The following TSHZ3 variants were observed in gnomAD, a reference collection of about 807,000 sequenced individuals.
The protein encoded by TSHZ3 is teashirt homolog 3.
Under a neutral mutation model 64.5 loss-of-function variants are expected in TSHZ3, and 10 were observed. That is an observed-to-expected ratio of 0.16 (90% confidence interval 0.10 to 0.26). TSHZ3 has a LOEUF of 0.26. Ranked by LOEUF, TSHZ3 falls within the 10% of genes least tolerant of loss-of-function variation. The pLI is 1.00. For missense variants in TSHZ3, 1,242 were observed against 1,421.7 expected (o/e 0.87, Z 2.03); for synonymous variants, 608 against 593.1 (o/e 1.03, Z -0.36).
At chr19:31,320,514 A>G (rs1916737190) in intron 1 of TSHZ3, among the ~76,000 whole-genome samples, 1 of 152,024 alleles carries the variant, frequency 6.6e-6, no homozygotes, top group Admixed American at 6.6e-5. Context: ...CTCTGGGCCC[A>G]CCTGCGAGGG....
At chr19:31,215,346 A>G (rs181638634) in intron 4 of TSHZ3, among the ~76,000 whole-genome samples, 51 of 152,350 alleles carry the variant, frequency 3.3e-4, no homozygotes, top group Admixed American at 5.2e-4. Flanking sequence ...CAGAGCACAT[A>G]AAATAATCTT....
At chr19:31,281,440 G>C (rs1976359791) in intron 1 of TSHZ3, among the ~76,000 whole-genome samples, 1 of 152,156 alleles carries the variant, frequency 6.6e-6, no homozygotes. Context: ...ACACACATCA[G>C]CTGCAGGGAG....
intron 5 of TSHZ3, among the ~76,000 whole-genome samples, chr19:31,174,372 T>C (rs925492177): frequency 6.6e-6 from 1 of 152,232 alleles, no homozygotes; most frequent in African/African-American, 2.4e-5. Context: ...TCAGTCTTTT[T>C]GTTGTATTCA....
chr19:31,165,003 C>T (rs971062392), intron 5 of TSHZ3, among the ~76,000 whole-genome samples: 9 of 152,204 alleles, frequency 5.9e-5, no homozygotes, highest in Non-Finnish European at 1.0e-4. Flanking sequence ...CCCACCCTGC[C>T]GAGCCCGTCC....
chr19:31,238,283 T>A, intron 3 of TSHZ3, among the ~76,000 whole-genome samples: 1 of 149,330 alleles, frequency 6.7e-6, no homozygotes, highest in Non-Finnish European at 1.5e-5. Context: ...TGAGACAGAC[T>A]CTTGCTCTGT....
chr19:31,216,321 C>G (rs1975328664), intron 4 of TSHZ3, among the ~76,000 whole-genome samples: 1 of 152,208 alleles, frequency 6.6e-6, no homozygotes, highest in Admixed American at 6.5e-5. Flanking sequence ...AGGCTCCTGG[C>G]CTCATGAAGA....
At chr19:31,330,704 T>C (rs1917059605) in intron 1 of TSHZ3, among the ~76,000 whole-genome samples, 1 of 72,298 alleles carries the variant, frequency 1.4e-5, no homozygotes, top group African/African-American at 5.4e-5. Flanking sequence ...TGTTTAATCC[T>C]TGGGCGGGGG....
At chr19:31,181,421 G>A (rs1974712161) in intron 5 of TSHZ3, among the ~76,000 whole-genome samples, 1 of 152,142 alleles carries the variant, frequency 6.6e-6, no homozygotes, top group African/African-American at 2.4e-5. Context: ...TCTGAGCAGA[G>A]AGAAGAAGGG....
At chr19:31,184,244 C>T (rs1258778316) in intron 5 of TSHZ3, among the ~76,000 whole-genome samples, 1 of 152,156 alleles carries the variant, frequency 6.6e-6, no homozygotes, top group Non-Finnish European at 1.5e-5. Context: ...AGCTCTCTTT[C>T]TTGTCTTGTA....
At chr19:31,241,975 T>C (rs1975696839) in intron 3 of TSHZ3, among the ~76,000 whole-genome samples, 1 of 152,230 alleles carries the variant, frequency 6.6e-6, no homozygotes, top group Admixed American at 6.5e-5. Flanking sequence ...TGTCATACCA[T>C]CTTCACTTGA....
At chr19:31,202,881 G>C (rs1473107358) in intron 5 of TSHZ3, among the ~76,000 whole-genome samples, 1 of 152,164 alleles carries the variant, frequency 6.6e-6, no homozygotes, top group Non-Finnish European at 1.5e-5. Context: ...CTGAAACACT[G>C]TTTATTGAGT....
chr19:31,346,859 T>A (rs1174653912), intron 1 of TSHZ3, among the ~76,000 whole-genome samples: 1 of 150,684 alleles, frequency 6.6e-6, no homozygotes, highest in African/African-American at 2.4e-5. Flanking sequence ...TTTTTTTCTC[T>A]CCACTCTTCT....
chr19:31,256,865 C>T (rs1343316801), intron 1 of TSHZ3, among the ~76,000 whole-genome samples: 1 of 152,134 alleles, frequency 6.6e-6, no homozygotes, highest in Non-Finnish European at 1.5e-5. Flanking sequence ...GATCTCCATC[C>T]CACAGCATTG....
Position 31,277,321 on chromosome 19 carries a change from C to T in TSHZ3, c.2472G>A (p.Thr824=), listed in dbSNP as rs747011700. ...ATGATACGACGGCAGATGTCTTTGC[C>T]GTTGTCACCGTGGATGAGGAGGTTG... The part of the protein sequence containing the change: ...APATSSSTVT[T]AKTSAVVSFM... Residue 824 remains threonine (T), a synonymous_variant, in exon 2 of 2, where the codon ACG becomes ACA. Transcript: ENST00000240587. This position sits in a 1 kb window ranked among gnomAD's most constrained non-coding sequence, Gnocchi z 4.5. 91 of 1,613,068 alleles carry T rather than the reference C, an allele frequency of 5.6e-5. No homozygotes were observed. The highest frequency in any genetic ancestry group is 1.0e-4 in the Admixed American group (6 of 59,988).
At chr19:31,167,102 G>C (rs1250564867) in intron 5 of TSHZ3, among the ~76,000 whole-genome samples, 1 of 152,126 alleles carries the variant, frequency 6.6e-6, no homozygotes, top group Non-Finnish European at 1.5e-5. Flanking sequence ...ACGCAGTAGG[G>C]CTTTTTGAGA....
chr19:31,336,422 C>A (rs982194990), intron 1 of TSHZ3, among the ~76,000 whole-genome samples: 4 of 152,082 alleles, frequency 2.6e-5, no homozygotes, highest in African/African-American at 9.7e-5. Flanking sequence ...GAGACAGATT[C>A]GAAGTAGGAT....
intron 3 of TSHZ3, among the ~76,000 whole-genome samples, chr19:31,239,684 T>G (rs1975664143): frequency 6.6e-6 from 1 of 152,044 alleles, no homozygotes; most frequent in African/African-American, 2.4e-5. Flanking sequence ...TGGGCTCAAG[T>G]GGTCCTGCCT....
chr19:31,315,850 G>A lies in TSHZ3; in HGVS notation c.40+33330C>T, dbSNP rs76368616. ...CTCTGCTGCTTGATTGACAAGAAAG[G>A]TGATTTATTAAGCTAATAAAAAGTG... On this transcript the variant is annotated intron_variant, in intron 1 of 1. Coordinates refer to ENST00000240587, the MANE Select transcript of TSHZ3 (RefSeq NM_020856.4). 3.0e-4 allele frequency among the ~76,000 whole-genome samples: 45 copies of A among 152,222 alleles called. No individual in the cohort carries two copies. The East Asian group carries it at 8.5e-3, about 29-fold the overall frequency.
intron 5 of TSHZ3, among the ~76,000 whole-genome samples, chr19:31,203,132 G>C (rs759507047): frequency 3.3e-5 from 5 of 152,118 alleles, no homozygotes; most frequent in Non-Finnish European, 7.4e-5. Context: ...ATGGTCAAAG[G>C]AAGCTCCATT....
Sources: allele counts gnomAD v4.1 joint callset (sites outside exome capture counted in the v4.1 genomes callset), GRCh38; gene constraint gnomAD v4.1.1; non-coding constraint Gnocchi (gnomAD v3.1); transcripts MANE v1.5; gene names NCBI Gene and HGNC (gene_info 2026-07-23, HGNC 2026-07-21).